Variants in COMMD1 observed in about 807,000 individuals in gnomAD.
The protein encoded by COMMD1 is copper metabolism domain containing 1.
In COMMD1, 10 loss-of-function variants were observed where a neutral mutation model predicts 17.2. The ratio of observed to expected loss-of-function variants is 0.58; its 90% confidence interval spans 0.36 to 0.99. COMMD1 has a LOEUF of 0.99. Among genes scored for constraint, COMMD1 ranks in the 50% least tolerant of loss-of-function variants. The pLI, the probability that COMMD1 is intolerant of heterozygous loss-of-function variation, is 0.01. For synonymous variants in COMMD1, 97 were observed against 91.6 expected (o/e 1.06, Z -0.34); for missense variants, 270 against 231.8 (o/e 1.17, Z -1.07).
intron 2 of COMMD1, among the ~76,000 whole-genome samples, chr2:62,032,181 T>C (rs1241936060): frequency 6.6e-6 from 1 of 152,152 alleles, no homozygotes; most frequent in East Asian, 1.9e-4. Context: ...CTATCCAGCA[T>C]GTATGAATTT....
At chr2:61,989,854 T>A (rs1196049524) in intron 1 of COMMD1, among the ~76,000 whole-genome samples, 1 of 152,182 alleles carries the variant, frequency 6.6e-6, no homozygotes, top group African/African-American at 2.4e-5. Flanking sequence ...TTTGCAGACC[T>A]TGGGGATTAA....
Position 61,915,731 on chromosome 2 carries a change from A to G in COMMD1, c.180+9873A>G, listed in dbSNP as rs951254461. On this transcript the variant is annotated intron_variant, in intron 1 of 2. Transcript: ENST00000311832. Reference sequence around the variant, plus strand: ...AGGGTGGTCTCAAATTCCTGGGCTTAAGCAACCCTCTCTCTTTAGCCTCCC... The same window carrying G: ...AGGGTGGTCTCAAATTCCTGGGCTTGAGCAACCCTCTCTCTTTAGCCTCCC... 4 of 453,270 alleles carry G rather than the reference A, an allele frequency of 8.8e-6. No homozygotes were observed. The Admixed American group carries it at 9.4e-5, about 11-fold the overall frequency. The allele number at this position is 453,270 out of a possible 1,614,324, so 28.1% of individuals were successfully genotyped here.
At chr2:61,938,821 A>T (rs1670665213) in intron 1 of COMMD1, among the ~76,000 whole-genome samples, 1 of 152,234 alleles carries the variant, frequency 6.6e-6, no homozygotes, top group African/African-American at 2.4e-5. Flanking sequence ...GTAAGTAATG[A>T]GAAATAAATA....
At chr2:62,041,524 G>A (rs989385864) in intron 2 of COMMD1, among the ~76,000 whole-genome samples, 1 of 152,214 alleles carries the variant, frequency 6.6e-6, no homozygotes, top group African/African-American at 2.4e-5. Flanking sequence ...TCCTACCTTA[G>A]CCTCCCAAGT....
At chr2:61,899,390 C>T (rs916753042) in intron 1 of COMMD1, among the ~76,000 whole-genome samples, 2 of 152,152 alleles carry the variant, frequency 1.3e-5, no homozygotes, top group African/African-American at 2.4e-5. Context: ...TCTGCCATTG[C>T]CTGTCTTTGT....
chr2:61,977,408 C>A (rs972775487), intron 1 of COMMD1, among the ~76,000 whole-genome samples: 3 of 151,490 alleles, frequency 2.0e-5, no homozygotes, highest in Non-Finnish European at 4.4e-5. Context: ...CAGCACCTGG[C>A]TAATTTTGTA....
chr2:62,020,600 G>T (rs1011103071), intron 2 of COMMD1, among the ~76,000 whole-genome samples: 3 of 152,082 alleles, frequency 2.0e-5, no homozygotes, highest in African/African-American at 4.8e-5. Flanking sequence ...TAATATTTGG[G>T]CTCACTTCCT....
intron 2 of COMMD1, among the ~76,000 whole-genome samples, chr2:62,058,111 A>G (rs970446343): frequency 2.7e-4 from 41 of 152,126 alleles, no homozygotes; most frequent in African/African-American, 9.9e-4. Flanking sequence ...TTTGAGATTT[A>G]TTGAGACTTA....
chr2:61,944,000 C>T (rs543274660), intron 1 of COMMD1, among the ~76,000 whole-genome samples: 74 of 152,268 alleles, frequency 4.9e-4, no homozygotes, highest in Middle Eastern at 6.8e-3. Flanking sequence ...CACCCAGGGA[C>T]GCCTTTTGGT....
At chr2:62,034,195 C>T (rs1420747057) in intron 2 of COMMD1, among the ~76,000 whole-genome samples, 1 of 150,722 alleles carries the variant, frequency 6.6e-6, no homozygotes, top group Non-Finnish European at 1.5e-5. Context: ...TAGTTTGGTT[C>T]TTTGTTTCCA....
At chr2:62,048,505 C>T (rs370622169) in intron 2 of COMMD1, among the ~76,000 whole-genome samples, 3 of 151,942 alleles carry the variant, frequency 2.0e-5, no homozygotes, top group South Asian at 4.2e-4. Context: ...AATTTCAGTA[C>T]TTGAATTGCT....
intron 2 of COMMD1, among the ~76,000 whole-genome samples, chr2:62,109,919 C>CTTTT (rs11345736): frequency 1.9e-3 from 141 of 73,786 alleles, no homozygotes; most frequent in Non-Finnish European, 2.3e-3. Flanking sequence ...TTATCTTGAT[C>CTTTT]TTTTTTTTTT....
At chr2:62,040,434 A>G (rs1670157929) in intron 2 of COMMD1, among the ~76,000 whole-genome samples, 1 of 152,226 alleles carries the variant, frequency 6.6e-6, no homozygotes, top group African/African-American at 2.4e-5. Flanking sequence ...TCATTTATAA[A>G]ATATATCTTT....
chr2:61,959,229 C>A (rs1310619607), intron 1 of COMMD1, among the ~76,000 whole-genome samples: 1 of 151,902 alleles, frequency 6.6e-6, no homozygotes, highest in Non-Finnish European at 1.5e-5. Context: ...GCATGGAAAT[C>A]TTGATATGTT....
At chr2:61,890,197 G>A (rs768802589) in intron 1 of COMMD1, among the ~76,000 whole-genome samples, 2 of 152,148 alleles carry the variant, frequency 1.3e-5, no homozygotes, top group Admixed American at 1.3e-4. Context: ...TAATTATGAG[G>A]TGGTGGTGGT....
At chr2:61,966,643 G>T (rs1671512733) in intron 1 of COMMD1, among the ~76,000 whole-genome samples, 1 of 151,654 alleles carries the variant, frequency 6.6e-6, no homozygotes, top group African/African-American at 2.4e-5. Flanking sequence ...ATCACAGGTG[G>T]CAAAAAGAGG....
chr2:62,012,615 G>A (rs1669315766), intron 2 of COMMD1, among the ~76,000 whole-genome samples: 1 of 151,752 alleles, frequency 6.6e-6, no homozygotes, highest in Non-Finnish European at 1.5e-5. Context: ...ACCGCACCCG[G>A]CCCCTTTGGC....
intron 2 of COMMD1, among the ~76,000 whole-genome samples, chr2:62,046,093 C>T (rs1376928728): frequency 6.6e-6 from 1 of 152,130 alleles, no homozygotes; most frequent in Admixed American, 6.5e-5. Flanking sequence ...CAGGAATGAC[C>T]AAGGACAGCT....
chr2:62,090,524 T>C (rs1671797003), intron 2 of COMMD1, among the ~76,000 whole-genome samples: 1 of 152,236 alleles, frequency 6.6e-6, no homozygotes, highest in Non-Finnish European at 1.5e-5. Flanking sequence ...GTCCTCAATG[T>C]CTAAATTGTC....
Sources: allele counts gnomAD v4.1 joint callset (sites outside exome capture counted in the v4.1 genomes callset), GRCh38; gene constraint gnomAD v4.1.1; transcripts MANE v1.5; gene names NCBI Gene and HGNC (gene_info 2026-07-23, HGNC 2026-07-21).